The following TAFA1 variants were observed in gnomAD, a reference collection of about 807,000 sequenced individuals.
The protein encoded by TAFA1 is chemokine-like protein TAFA-1.
TAFA1 carries 4 observed loss-of-function variants against 18.5 expected under a neutral mutation model. The ratio of observed to expected loss-of-function variants is 0.22; its 90% CI spans 0.11 to 0.49. The LOEUF (loss-of-function observed/expected upper bound fraction) is 0.49. Among genes scored for constraint, TAFA1 ranks in the 20% least tolerant of loss-of-function variants. The pLI, the probability that TAFA1 is intolerant of heterozygous loss-of-function variation, is 0.98. For missense variants in TAFA1, 147 were observed against 169.0 expected (o/e 0.87, Z 0.72); for synonymous variants, 56 against 55.2 (o/e 1.01, Z -0.06).
intron 2 of TAFA1, among the ~76,000 whole-genome samples, chr3:68,070,707 C>A (rs1413306128): frequency 6.6e-6 from 1 of 152,174 alleles, no homozygotes; most frequent in Non-Finnish European, 1.5e-5. Flanking sequence ...CCCAAGTCAC[C>A]TCTTGAATGT....
At chr3:68,410,773 C>T (rs1575842948) in intron 2 of TAFA1, among the ~76,000 whole-genome samples, 1 of 132,418 alleles carries the variant, frequency 7.6e-6, no homozygotes, top group Non-Finnish European at 1.6e-5. Flanking sequence ...AATGACTTAG[C>T]TTTGAGAAAC....
At chr3:68,452,460 T>C (rs1484642918) in intron 3 of TAFA1, among the ~76,000 whole-genome samples, 1 of 146,606 alleles carries the variant, frequency 6.8e-6, no homozygotes, top group Non-Finnish European at 1.5e-5. Context: ...GAGGAGGAGG[T>C]TGCAGTGAGC....
At chr3:68,242,135 G>T (rs571190059) in intron 2 of TAFA1, among the ~76,000 whole-genome samples, 1 of 152,110 alleles carries the variant, frequency 6.6e-6, no homozygotes, top group South Asian at 2.1e-4. Flanking sequence ...ATGGGAGCTG[G>T]TAAGAGCTTT....
intron 3 of TAFA1, among the ~76,000 whole-genome samples, chr3:68,495,309 AAG>A (rs1183243107): frequency 6.6e-6 from 1 of 152,222 alleles, no homozygotes; most frequent in African/African-American, 2.4e-5. Flanking sequence ...GGACAAGAAA[AAG>A]AGTTAAATCT....
intron 2 of TAFA1, among the ~76,000 whole-genome samples, chr3:68,285,829 C>A (rs1240853392): frequency 6.6e-6 from 1 of 152,026 alleles, no homozygotes; most frequent in Non-Finnish European, 1.5e-5. Flanking sequence ...CAACCAACAA[C>A]GTGAGAGCAA....
At chr3:68,417,548 A>C in intron 3 of TAFA1, 128 bp downstream of exon 3, 1 of 842,014 alleles carries the variant, frequency 1.2e-6, no homozygotes, top group Non-Finnish European at 1.8e-6. Context: ...AAAGTTATAC[A>C]ATTGCCAGCC....
intron 2 of TAFA1, among the ~76,000 whole-genome samples, chr3:68,155,870 A>G (rs953047822): frequency 1.3e-5 from 2 of 152,172 alleles, no homozygotes; most frequent in African/African-American, 4.8e-5. Flanking sequence ...AAAGTTATAT[A>G]ATTAATTGCA....
intron 2 of TAFA1, among the ~76,000 whole-genome samples, chr3:68,328,360 C>G (rs1411283744): frequency 6.6e-6 from 1 of 152,106 alleles, no homozygotes; most frequent in Non-Finnish European, 1.5e-5. Flanking sequence ...AATTGCCGTC[C>G]CAGTTTCAGA....
At chr3:68,304,375 A>G (rs1010083626) in intron 2 of TAFA1, among the ~76,000 whole-genome samples, 8 of 152,216 alleles carry the variant, frequency 5.3e-5, no homozygotes, top group African/African-American at 1.9e-4. Context: ...GAACCTAGCA[A>G]AAGGTCTTTC....
intron 3 of TAFA1, among the ~76,000 whole-genome samples, chr3:68,438,131 G>C (rs1302335265): frequency 6.6e-6 from 1 of 152,090 alleles, no homozygotes; most frequent in African/African-American, 2.4e-5. Flanking sequence ...GATGGAGCTG[G>C]GCAGATTGCT....
At chr3:68,050,357 A>C (rs2064453793) in intron 2 of TAFA1, among the ~76,000 whole-genome samples, 1 of 152,144 alleles carries the variant, frequency 6.6e-6, no homozygotes, top group Non-Finnish European at 1.5e-5. Flanking sequence ...GGCACTTGCC[A>C]CTTGTCCTGT....
chr3:68,535,086 G>A (rs1203778888), intron 3 of TAFA1, among the ~76,000 whole-genome samples: 3 of 152,100 alleles, frequency 2.0e-5, no homozygotes, highest in Non-Finnish European at 4.4e-5. Context: ...GGGTTTAAGT[G>A]GATAAGCATC....
intron 2 of TAFA1, among the ~76,000 whole-genome samples, chr3:68,078,035 A>G (rs2064849034): frequency 6.6e-6 from 1 of 151,762 alleles, no homozygotes. Flanking sequence ...CATCCCTTGT[A>G]AGCTGGATTC....
At chr3:68,223,001 C>G (rs1315192723) in intron 2 of TAFA1, among the ~76,000 whole-genome samples, 1 of 152,076 alleles carries the variant, frequency 6.6e-6, no homozygotes, top group African/African-American at 2.4e-5. Context: ...TAAAATATCA[C>G]TTTCTATTGA....
chr3:68,003,419 A>G (rs146198662), upstream of TAFA1, among the ~76,000 whole-genome samples: 149 of 152,360 alleles, frequency 9.8e-4, no homozygotes, highest in Middle Eastern at 3.4e-3. Context: ...AGTATCATCT[A>G]TAACAGTGGG....
intron 2 of TAFA1, among the ~76,000 whole-genome samples, chr3:68,197,686 T>C (rs1451324713): frequency 6.6e-6 from 1 of 151,634 alleles, no homozygotes; most frequent in African/African-American, 2.4e-5. Flanking sequence ...GAATATATCT[T>C]TGTCAAAACA....
chr3:68,062,670 C>T (rs2064619340), intron 2 of TAFA1, among the ~76,000 whole-genome samples: 1 of 152,128 alleles, frequency 6.6e-6, no homozygotes, highest in Non-Finnish European at 1.5e-5. Flanking sequence ...GCTAGCTGCA[C>T]ATCAAGAGTG....
At chr3:68,044,437 C>G (rs1047826668) in intron 2 of TAFA1, among the ~76,000 whole-genome samples, 1 of 152,066 alleles carries the variant, frequency 6.6e-6, no homozygotes, top group Non-Finnish European at 1.5e-5. Context: ...AGAAAAAAAT[C>G]TGAACTTTCT....
At chr3:68,312,082 T>G (rs1055655479) in intron 2 of TAFA1, among the ~76,000 whole-genome samples, 2 of 152,044 alleles carry the variant, frequency 1.3e-5, no homozygotes, top group African/African-American at 4.8e-5. Flanking sequence ...ATGACCTGAG[T>G]TCTACGTTGA....
Sources: gnomAD v4.1 joint callset for allele counts (sites outside exome capture counted in the v4.1 genomes callset) on GRCh38, gnomAD v4.1.1 for gene constraint, MANE v1.5 for transcripts, NCBI Gene and HGNC (gene_info 2026-07-23, HGNC 2026-07-21) for gene names.